SLC2A2: variants seen among roughly 807,000 people sequenced by gnomAD.
SLC2A2 encodes the protein solute carrier family 2, facilitated glucose transporter member 2.
Under a neutral mutation model 54.5 loss-of-function variants are expected in SLC2A2, and 36 were observed. The observed-to-expected ratio is 0.66, with a 90% CI of 0.51 to 0.87. The LOEUF (loss-of-function observed/expected upper bound fraction) is 0.87. SLC2A2 is among the 40% of genes least tolerant of loss of function. The pLI is 0.00. For synonymous variants in SLC2A2, 223 were observed against 219.1 expected (o/e 1.02, Z -0.16); for missense variants, 543 against 624.3 (o/e 0.87, Z 1.39).
intron 4 of SLC2A2, 97 bp from the exon 5 acceptor site, chr3:171,007,360 C>T: frequency 1.3e-6 from 1 of 748,620 alleles, no homozygotes; most frequent in Non-Finnish European, 2.4e-6. Flanking sequence ...AATGAAAGCC[C>T]CTCCCTGAAT....
At position 171,016,310 on chromosome 3, in the gene SLC2A2, C is replaced by A. The variant is rs573385138; in HGVS notation, c.109-1579G>T. Among the ~76,000 whole-genome samples, 4 of 152,214 alleles carry A rather than the reference C, an allele frequency of 2.6e-5. No homozygotes were observed. In the South Asian group the frequency reaches 8.3e-4, roughly 32 times the overall value. On this transcript the variant is annotated intron_variant, in intron 2 of 10. Transcript: ENST00000314251. ...AATTAGCCAGGCATTGTGGCTGGAGCCTGTAATCTCAGCTACTTGGGAGGC... is the reference window on the plus strand; with the variant it reads ...AATTAGCCAGGCATTGTGGCTGGAGACTGTAATCTCAGCTACTTGGGAGGC...
chr3:170,999,330 C>A (rs1715239168), intron 8 of SLC2A2, among the ~76,000 whole-genome samples, 164 bp from the exon 9 acceptor site: 1 of 152,036 alleles, frequency 6.6e-6, no homozygotes, highest in South Asian at 2.1e-4. Context: ...TGGGGAGTGA[C>A]TCTAGCCCCA....
chr3:170,999,996 A>AC (rs1325555493), intron 8 of SLC2A2, among the ~76,000 whole-genome samples: 1 of 151,430 alleles, frequency 6.6e-6, no homozygotes, highest in African/African-American at 2.4e-5. Context: ...TCTCCCCCTC[A>AC]CCCCCCACAA....
rs538674308 is a variant in SLC2A2, at chr3:171,023,193, T to C, written c.15+3463A>G. 1.5e-3 allele frequency among the ~76,000 whole-genome samples: 230 copies of C among 152,352 alleles called. 2 individuals carry two copies. Among genetic ancestry groups the C allele is most frequent in the African/African-American group, 5.3e-3 (220 of 41,580 alleles). ...AGTTCCTTATTTTAACTCCTCAAGATAGAATTTTACCAGGTTGGTCAGATA... is the reference window on the plus strand; with the variant it reads ...AGTTCCTTATTTTAACTCCTCAAGACAGAATTTTACCAGGTTGGTCAGATA... On this transcript the variant is annotated intron_variant, in intron 1 of 10. Coordinates refer to ENST00000314251, the MANE Select transcript of SLC2A2 (RefSeq NM_000340.2).
At chr3:170,998,439 GGCT>G in intron 9 of SLC2A2, 43 bp from the exon 10 acceptor site, 1 of 1,550,722 alleles carries the variant, frequency 6.4e-7, no homozygotes, top group Middle Eastern at 1.7e-4. Context: ...GAGATCATTT[GGCT>G]GCTTTTTCCT....
At chr3:171,017,232 A>G (rs1409116209) in intron 2 of SLC2A2, among the ~76,000 whole-genome samples, 1 of 152,118 alleles carries the variant, frequency 6.6e-6, no homozygotes, top group East Asian at 1.9e-4. Flanking sequence ...GGTGATGTTG[A>G]ATGTTAAATT....
chr3:171,011,186 G>A (rs933295050), intron 3 of SLC2A2, among the ~76,000 whole-genome samples: 1 of 152,056 alleles, frequency 6.6e-6, no homozygotes, highest in African/African-American at 2.4e-5. Flanking sequence ...TCCCCTGGCA[G>A]CCTACAGCAT....
chr3:171,014,634 G>A lies in SLC2A2; in HGVS notation c.206C>T (p.Thr69Ile). ...YVINSTDELPTISYSMNPKPT... is the reference protein window; with the variant it reads ...YVINSTDELPIISYSMNPKPT... ...TTTTGGGTTCATTGAGTATGAGATT[G>A]TGGGCAGTTCATCTGTACTGTTGAT... Residue 69 changes from threonine to isoleucine, a missense_variant, in exon 3 of 11, where the codon ACA (threonine) becomes ATA (isoleucine). Transcript: ENST00000314251. 2 of 1,614,086 alleles carry A rather than the reference G, an allele frequency of 1.2e-6. No individual in the cohort carries two copies. The highest frequency in any genetic ancestry group is 1.7e-6 in the Non-Finnish European group (2 of 1,179,958).
At position 171,012,973 on chromosome 3, in the gene SLC2A2, A is replaced by C. The variant is rs372347799; in HGVS notation, c.371+1496T>G. On this transcript the variant is annotated intron_variant, in intron 3 of 10. Coordinates refer to ENST00000314251, the MANE Select transcript of SLC2A2 (RefSeq NM_000340.2). Reference sequence around the variant, plus strand: ...CATTAAATGTTAATTAAATGTTAACACTAATTAAATGTTTTAGGTTAAGTC... The same window carrying C: ...CATTAAATGTTAATTAAATGTTAACCCTAATTAAATGTTTTAGGTTAAGTC... 4.6e-5 allele frequency among the ~76,000 whole-genome samples: 7 copies of C among 152,292 alleles called. No homozygotes were observed. The East Asian group carries it at 1.4e-3, about 29-fold the overall frequency.
At chr3:171,015,725 G>C (rs934073867) in intron 2 of SLC2A2, among the ~76,000 whole-genome samples, 2 of 152,090 alleles carry the variant, frequency 1.3e-5, no homozygotes, top group African/African-American at 4.8e-5. Flanking sequence ...GGGCAGAGAG[G>C]AAAACAACCG....
At chr3:171,021,635 T>C (rs889504332) in intron 1 of SLC2A2, among the ~76,000 whole-genome samples, 1 of 152,142 alleles carries the variant, frequency 6.6e-6, no homozygotes, top group Admixed American at 6.6e-5. Flanking sequence ...ACAACATCTA[T>C]AGATGGGAAG....
chr3:170,999,123 A>G lies in SLC2A2; in HGVS notation c.1112T>C (p.Ile371Thr). The G allele has an allele frequency of 6.2e-7, 1 of 1,613,054 alleles. No homozygotes were observed. The highest frequency in any genetic ancestry group is 8.5e-7 in the Non-Finnish European group (1 of 1,179,216). The stretch of plus-strand genomic sequence containing the variant: ...ACAAACAAACATCCCACTCATTCCA[A>G]TTAGAAAGAGAGAACGTCGCCCTGC... ...EKAGRRSLFLIGMSGMFVCAI... is the reference protein window; with the variant it reads ...EKAGRRSLFLTGMSGMFVCAI... Residue 371 changes from isoleucine (I) to threonine (T), a missense_variant, in exon 9 of 11, where the codon ATT becomes ACT. Physicochemically the swap from Ile to Thr is moderately conservative, Grantham distance 89. Transcript: ENST00000314251.
chr3:171,014,649 GTACTGTTGA>G lies in SLC2A2; in HGVS notation c.182_190del (p.Ile61_Ser63del), dbSNP rs1169887677. 1.2e-6 allele frequency: 2 copies of G among 1,614,022 alleles called. No individual in the cohort carries two copies. Among genetic ancestry groups the G allele is most frequent in the Non-Finnish European group, 1.7e-6 (2 of 1,179,908 alleles). ...GTATGAGATTGTGGGCAGTTCATCT[GTACTGTTGA>G]TAACATAGTTGTTGATAGCTTTTCG... On this transcript the variant is annotated inframe_deletion, in exon 3 of 11. Transcript: ENST00000314251.
chr3:171,007,190 A>G lies in SLC2A2; in HGVS notation c.570T>C (p.Thr190=). The G allele has an allele frequency of 6.2e-7, 1 of 1,612,826 alleles. No individual in the cohort carries two copies. The highest frequency in any genetic ancestry group is 8.5e-7 in the Non-Finnish European group (1 of 1,179,196). The change falls in exon 5 of 11, where the codon ACT becomes ACC. Residue 190 remains threonine (T), a synonymous_variant. Coordinates refer to ENST00000314251, the MANE Select transcript of SLC2A2 (RefSeq NM_000340.2). The part of the protein sequence containing the change: ...APTALRGALG[T]FHQLAIVTGI... ...CCGTGACGATGGCCAGCTGATGAAA[A>G]GTGCCAAGTGCTCCCCTGAGAGCGG... is the stretch of plus-strand genomic sequence containing the variant.
chr3:171,017,865 TTGA>T (rs1225854099), intron 2 of SLC2A2, among the ~76,000 whole-genome samples: 1 of 152,220 alleles, frequency 6.6e-6, no homozygotes, highest in African/African-American at 2.4e-5. Context: ...TTGAAATAAC[TTGA>T]TTAAAAATTC....
At chr3:171,015,241 G>T (rs913771202) in intron 2 of SLC2A2, among the ~76,000 whole-genome samples, 12 of 152,160 alleles carry the variant, frequency 7.9e-5, no homozygotes, top group African/African-American at 2.9e-4. Flanking sequence ...GGCCGAGGTG[G>T]GCGGACTGCT....
At chr3:171,001,288 TAA>T (rs954293449) in intron 8 of SLC2A2, among the ~76,000 whole-genome samples, 4 of 152,080 alleles carry the variant, frequency 2.6e-5, no homozygotes, top group African/African-American at 7.2e-5. Context: ...GAAGAATTTG[TAA>T]AAAATATTCC....
intron 2 of SLC2A2, among the ~76,000 whole-genome samples, chr3:171,015,412 C>T (rs1257154290): frequency 3.9e-5 from 6 of 152,104 alleles, no homozygotes; most frequent in Non-Finnish European, 7.4e-5. Context: ...GTTGAGGCTG[C>T]AGTGAGTCAA....
At chr3:171,023,061 A>C (rs1452564395) in intron 1 of SLC2A2, among the ~76,000 whole-genome samples, 1 of 152,196 alleles carries the variant, frequency 6.6e-6, no homozygotes, top group Admixed American at 6.5e-5. Context: ...GAGATAGGAG[A>C]GTTTTTAAAC....
Sources: allele counts gnomAD v4.1 joint callset (sites outside exome capture counted in the v4.1 genomes callset), GRCh38; gene constraint gnomAD v4.1.1; transcripts MANE v1.5; gene names NCBI Gene and HGNC (gene_info 2026-07-23, HGNC 2026-07-21).